Variants in SLIT3 observed in about 807,000 individuals in gnomAD.
The protein encoded by SLIT3 is slit homolog 3 protein.
SLIT3 carries 68 observed loss-of-function variants against 184.0 expected under a neutral mutation model. The observed-to-expected ratio is 0.37, with a 90% CI of 0.30 to 0.45. The LOEUF is 0.45. SLIT3 is among the 20% of genes least tolerant of loss of function. The pLI, the probability that SLIT3 is intolerant of heterozygous loss-of-function variation, is 1.00. For synonymous variants in SLIT3, 831 were observed against 828.6 expected (o/e 1.00, Z -0.05); for missense variants, 1,707 against 2,026.0 (o/e 0.84, Z 3.02).
chr5:168,703,893 C>T (rs1424759285), intron 26 of SLIT3, among the ~76,000 whole-genome samples: 3 of 138,942 alleles, frequency 2.2e-5, no homozygotes, highest in South Asian at 4.5e-4. Context: ...TGCAGTGAGC[C>T]GAGATTATGC....
intron 4 of SLIT3, among the ~76,000 whole-genome samples, chr5:168,922,513 G>A (rs114896031): frequency 4.7e-5 from 7 of 150,354 alleles, no homozygotes; most frequent in African/African-American, 1.2e-4. Flanking sequence ...GTAAAAATCC[G>A]TAGAGGTGGG....
At chr5:168,739,804 GC>G (rs1236249268) in intron 20 of SLIT3, among the ~76,000 whole-genome samples, 1 of 152,094 alleles carries the variant, frequency 6.6e-6, no homozygotes, top group Non-Finnish European at 1.5e-5. Context: ...CATCCAAAAA[GC>G]ATACCACAAC....
chr5:169,048,585 G>T (rs1361206270), intron 4 of SLIT3, among the ~76,000 whole-genome samples: 1 of 152,150 alleles, frequency 6.6e-6, no homozygotes, highest in East Asian at 1.9e-4. Flanking sequence ...TACCTAGTTT[G>T]CCTTACAGAC....
intron 4 of SLIT3, among the ~76,000 whole-genome samples, chr5:168,913,786 C>T (rs942291225): frequency 7.3e-5 from 11 of 151,028 alleles, no homozygotes; most frequent in East Asian, 1.9e-4. Context: ...AAAAAATAGA[C>T]GTAAAATGAA....
intron 4 of SLIT3, among the ~76,000 whole-genome samples, chr5:168,972,337 A>ATATGTGTGTGTGTGTGTG (rs370210394): frequency 1.9e-4 from 23 of 118,330 alleles, no homozygotes; most frequent in African/African-American, 7.5e-4. Context: ...GCAGGACAAC[A>ATATGTGTGTGTGTGTGTG]TGTGTGTGTG....
chr5:168,765,520 G>A (rs1265063555), intron 14 of SLIT3, among the ~76,000 whole-genome samples: 1 of 152,140 alleles, frequency 6.6e-6, no homozygotes, highest in East Asian at 1.9e-4. Flanking sequence ...AGCCCGAAAT[G>A]CCATCTCCAT....
chr5:168,944,306 TGAGA>T (rs1278257437), intron 4 of SLIT3, among the ~76,000 whole-genome samples: 4 of 150,566 alleles, frequency 2.7e-5, no homozygotes, highest in Non-Finnish European at 5.9e-5. Context: ...AGGAGAGGAG[TGAGA>T]GAGAGACAAA....
intron 5 of SLIT3, among the ~76,000 whole-genome samples, chr5:168,849,448 C>T (rs1433449858): frequency 1.3e-5 from 2 of 152,170 alleles, no homozygotes; most frequent in Non-Finnish European, 2.9e-5. Flanking sequence ...TAAATCTATC[C>T]CTACCAAATG....
intron 4 of SLIT3, among the ~76,000 whole-genome samples, chr5:169,184,683 AT>A (rs1236929005): frequency 6.6e-6 from 1 of 152,184 alleles, no homozygotes; most frequent in Non-Finnish European, 1.5e-5. Flanking sequence ...GGGATGCAGC[AT>A]TTTAACCATC....
At chr5:168,949,424 TCA>T (rs1762579148) in intron 4 of SLIT3, among the ~76,000 whole-genome samples, 1 of 152,112 alleles carries the variant, frequency 6.6e-6, no homozygotes, top group Admixed American at 6.5e-5. Flanking sequence ...TGGGAACGTA[TCA>T]CAGAGATGGT....
At chr5:168,767,627 A>T (rs1755390759) in intron 14 of SLIT3, among the ~76,000 whole-genome samples, 1 of 152,238 alleles carries the variant, frequency 6.6e-6, no homozygotes, top group African/African-American at 2.4e-5. Context: ...ACCTTGGGTT[A>T]AACCCAAAGT....
At chr5:168,894,546 T>G (rs1760591801) in intron 4 of SLIT3, among the ~76,000 whole-genome samples, 1 of 152,172 alleles carries the variant, frequency 6.6e-6, no homozygotes, top group African/African-American at 2.4e-5. Flanking sequence ...ATACCATGCT[T>G]GAGAACTAAT....
intron 4 of SLIT3, among the ~76,000 whole-genome samples, chr5:169,015,985 C>A (rs969318528): frequency 5.2e-5 from 4 of 76,662 alleles, no homozygotes; most frequent in East Asian, 2.0e-3. Context: ...CACACACACA[C>A]AACTTTCTGT....
chr5:169,288,149 G>T (rs1767221346), intron 1 of SLIT3, among the ~76,000 whole-genome samples: 1 of 152,182 alleles, frequency 6.6e-6, no homozygotes, highest in Admixed American at 6.5e-5. Flanking sequence ...GCCCCCTAAA[G>T]AAGGCCCTGT....
intron 10 of SLIT3, chr5:168,790,820 C>T (rs557003078): frequency 3.9e-5 from 6 of 152,320 alleles, no homozygotes; most frequent in African/African-American, 1.2e-4. Flanking sequence ...CAGTGGGAAT[C>T]TCTCTGAGCC....
intron 3 of SLIT3, among the ~76,000 whole-genome samples, chr5:169,233,989 T>C (rs568184075): frequency 1.2e-3 from 187 of 152,382 alleles, no homozygotes; most frequent in African/African-American, 4.4e-3. Context: ...CCTTTTATTC[T>C]TAATATGTAA....
chr5:169,175,958 C>G (rs1762970850), intron 4 of SLIT3, among the ~76,000 whole-genome samples: 1 of 152,206 alleles, frequency 6.6e-6, no homozygotes, highest in Non-Finnish European at 1.5e-5. Context: ...CTCCAGCAGT[C>G]AGCACCGCTC....
At chr5:168,881,769 G>A (rs560373641) in intron 5 of SLIT3, among the ~76,000 whole-genome samples, 30 of 152,324 alleles carry the variant, frequency 2.0e-4, no homozygotes, top group Admixed American at 3.3e-4. Context: ...TGGTTTTGAA[G>A]GTTTGGCTTT....
At chr5:168,788,449 C>T (rs373070381) in intron 11 of SLIT3, among the ~76,000 whole-genome samples, 2 of 152,250 alleles carry the variant, frequency 1.3e-5, no homozygotes, top group East Asian at 3.9e-4. Context: ...TGCATAGCTG[C>T]ACGGAGAGGC....
Sources: allele counts gnomAD v4.1 joint callset (sites outside exome capture counted in the v4.1 genomes callset), GRCh38; gene constraint gnomAD v4.1.1; transcripts MANE v1.5; gene names NCBI Gene and HGNC (gene_info 2026-07-23, HGNC 2026-07-21).